Variants in OR14L1 observed in about 807,000 individuals in gnomAD.
OR14L1 encodes olfactory receptor 14L1.
the OR14L1 span, among the ~76,000 whole-genome samples, chr1:247,619,202 G>T: frequency 2.0e-5 from 3 of 152,162 alleles, no homozygotes; most frequent in East Asian, 5.8e-4. Context: ...AAACTGAAAA[G>T]AACTATGACA....
At chr1:247,619,867 A>T in the OR14L1 span, 1 of 152,290 alleles carries the variant, frequency 6.6e-6, no homozygotes. Flanking sequence ...CATCTCTGTC[A>T]CAATTCCAAA....
chr1:247,618,701 C>T, the OR14L1 span, among the ~76,000 whole-genome samples: 2 of 152,108 alleles, frequency 1.3e-5, no homozygotes, highest in Non-Finnish European at 2.9e-5. Flanking sequence ...GATGTAAATA[C>T]ACATTTCCTA....
the OR14L1 span, chr1:247,619,547 A>G: frequency 2.0e-5 from 3 of 152,204 alleles, 1 homozygote; most frequent in Non-Finnish European, 4.4e-5. Context: ...CTTATAATTA[A>G]TTATCACAAA....
At chr1:247,618,705 T>C in the OR14L1 span, among the ~76,000 whole-genome samples, 1 of 152,160 alleles carries the variant, frequency 6.6e-6, no homozygotes. Context: ...TAAATACACA[T>C]TTCCTAGCTA....
the OR14L1 span, among the ~76,000 whole-genome samples, chr1:247,618,088 C>T: frequency 6.6e-6 from 1 of 152,010 alleles, no homozygotes; most frequent in African/African-American, 2.4e-5. Flanking sequence ...TTTGGTTGTA[C>T]CTGTCCCTTT....
At chr1:247,617,273 A>AT in the OR14L1 span, 1 of 152,178 alleles carries the variant, frequency 6.6e-6, no homozygotes, top group Admixed American at 6.5e-5. Context: ...AGATTAGGGC[A>AT]TTTTTCAATT....
At chr1:247,621,227 T>C in the OR14L1 span, 1 of 152,204 alleles carries the variant, frequency 6.6e-6, no homozygotes, top group Admixed American at 6.5e-5. Flanking sequence ...ATTTTTCCTC[T>C]GCATAGGAAA....
the OR14L1 span, chr1:247,620,846 A>G: frequency 6.6e-6 from 1 of 152,076 alleles, no homozygotes; most frequent in Non-Finnish European, 1.5e-5. Context: ...TTTATAAATT[A>G]TATTGTACTC....
the OR14L1 span, among the ~76,000 whole-genome samples, chr1:247,618,568 T>C: frequency 1.9e-4 from 29 of 152,186 alleles, no homozygotes; most frequent in East Asian, 5.2e-3. Context: ...TCGCAGATGC[T>C]AGGAAAGATC....
At chr1:247,619,168 T>C in the OR14L1 span, among the ~76,000 whole-genome samples, 4 of 152,294 alleles carry the variant, frequency 2.6e-5, no homozygotes, top group African/African-American at 9.6e-5. Context: ...AGATTACTAA[T>C]ACCACTTTGA....
At chr1:247,620,931 T>C in the OR14L1 span, 1 of 152,106 alleles carries the variant, frequency 6.6e-6, no homozygotes, top group Non-Finnish European at 1.5e-5. Context: ...TGTATATTAA[T>C]TACAGCAGAA....
At chr1:247,618,304 A>G in the OR14L1 span, among the ~76,000 whole-genome samples, 1 of 152,172 alleles carries the variant, frequency 6.6e-6, no homozygotes, top group African/African-American at 2.4e-5. Flanking sequence ...GATAAGGAAT[A>G]TTTTGGATAT....
the OR14L1 span, among the ~76,000 whole-genome samples, chr1:247,618,932 C>T: frequency 6.6e-6 from 1 of 152,168 alleles, no homozygotes; most frequent in South Asian, 2.1e-4. Flanking sequence ...AACATGCCTG[C>T]TATTGTTTAT....
At chr1:247,619,047 C>G in the OR14L1 span, among the ~76,000 whole-genome samples, 616 of 152,220 alleles carry the variant, frequency 4.0e-3, 7 homozygotes, top group African/African-American at 0.014. Context: ...CTATAAGAGC[C>G]AACCATTGTG....
the OR14L1 span, chr1:247,620,922 G>A: frequency 2.0e-5 from 3 of 152,036 alleles, no homozygotes; most frequent in Non-Finnish European, 4.4e-5. Flanking sequence ...TACCGTATGT[G>A]TATATTAATT....
the OR14L1 span, chr1:247,621,225 T>C: frequency 6.6e-6 from 1 of 152,216 alleles, no homozygotes; most frequent in Non-Finnish European, 1.5e-5. Flanking sequence ...CCATTTTTCC[T>C]CTGCATAGGA....
chr1:247,619,878 A>G, the OR14L1 span: 3 of 152,278 alleles, frequency 2.0e-5, no homozygotes, highest in African/African-American at 7.2e-5. Context: ...CAATTCCAAA[A>G]TCTATTGTTA....
At chr1:247,618,500 A>G in the OR14L1 span, among the ~76,000 whole-genome samples, 1 of 150,798 alleles carries the variant, frequency 6.6e-6, no homozygotes, top group South Asian at 2.1e-4. Context: ...GGGAATGAGG[A>G]CTCCCATTTT....
chr1:247,617,616 G>T, the OR14L1 span, among the ~76,000 whole-genome samples: 1 of 151,882 alleles, frequency 6.6e-6, no homozygotes, highest in African/African-American at 2.4e-5. Flanking sequence ...GCAGGTAAAA[G>T]AAAAGAGGGA....
Sources: allele counts gnomAD v4.1 joint callset (sites outside exome capture counted in the v4.1 genomes callset), GRCh38; gene constraint gnomAD v4.1.1; transcripts MANE v1.5; gene names NCBI Gene and HGNC (gene_info 2026-07-23, HGNC 2026-07-21).